Variants in PRR33 observed in about 807,000 individuals in gnomAD.
PRR33 encodes the protein proline-rich protein 33.
Under a neutral mutation model 0.5 loss-of-function variants are expected in PRR33, and 1 was observed. The observed-to-expected ratio is 2.18, with a 90% CI of 0.77 to 10.34. PRR33 has a LOEUF of 10.34. PRR33 is among the 30% of genes most tolerant of loss of function. The pLI, the probability that PRR33 is intolerant of heterozygous loss-of-function variation, is 0.13. For missense variants in PRR33, 552 were observed against 251.8 expected (o/e 2.19, Z -8.07); for synonymous variants, 226 against 110.0 (o/e 2.06, Z -6.60).
At chr11:1,900,166 T>C in the PRR33 span, among the ~76,000 whole-genome samples, 1 of 152,142 alleles carries the variant, frequency 6.6e-6, no homozygotes, top group Non-Finnish European at 1.5e-5. Context: ...ATCTTGGCTG[T>C]CCATGTGTCC....
rs1173287196 is a variant in PRR33 at position 1,890,235 on chromosome 11, G to A, written c.350C>T (p.Thr117Ile). Residue 117 changes from threonine to isoleucine, a missense_variant, in exon 1 of 1, where the codon ACC becomes ATC. Transcript: ENST00000640310. ...TGATGCCACGTGGTGGATGATGGGGGTGTGCGGGGAGCGGGGTAGGGCAGC... is the reference window on the plus strand; with the variant it reads ...TGATGCCACGTGGTGGATGATGGGGATGTGCGGGGAGCGGGGTAGGGCAGC... 9.8e-6 allele frequency: 7 copies of A among 716,580 alleles called. No homozygotes were observed. In the South Asian group the frequency reaches 1.0e-4, roughly 11 times the overall value. The allele number at this position is 716,580 out of a possible 1,614,324, so 44.4% of individuals were successfully genotyped here. A position where few individuals can be genotyped will look rare whatever the true frequency, so the allele number is the denominator to read the frequency against.
chr11:1,895,231 C>G (rs1032646998), upstream of PRR33, among the ~76,000 whole-genome samples: 1 of 152,022 alleles, frequency 6.6e-6, no homozygotes, highest in Admixed American at 6.5e-5. Flanking sequence ...CTCCTGGGTT[C>G]AAGCGATTCT....
At chr11:1,889,675 C>T (rs559654719) in exon 1 of PRR33, 12 of 633,086 alleles carry the variant, frequency 1.9e-5, no homozygotes, top group South Asian at 9.3e-5. Context: ...TCGGCCTCAG[C>T]GGCGGGGCCA....
chr11:1,914,256 A>G, the PRR33 span, among the ~76,000 whole-genome samples: 79 of 148,546 alleles, frequency 5.3e-4, no homozygotes, highest in African/African-American at 1.8e-3. Context: ...GTAGGGTCAC[A>G]CATCTGGGAT....
chr11:1,890,759 C>T, exon 1 of PRR33: 1 of 599,460 alleles, frequency 1.7e-6, no homozygotes, highest in Non-Finnish European at 3.0e-6. Flanking sequence ...CTCGACTGTG[C>T]CTTGGGGACT....
upstream of PRR33, among the ~76,000 whole-genome samples, chr11:1,894,482 CT>C (rs1015472924): frequency 2.6e-5 from 4 of 152,164 alleles, no homozygotes; most frequent in Admixed American, 2.0e-4. Context: ...GCGACCCCCC[CT>C]GCCTCCACCT....
exon 1 of PRR33, chr11:1,891,483 A>G (rs1294402381): frequency 6.6e-6 from 1 of 152,282 alleles, no homozygotes; most frequent in African/African-American, 2.4e-5. Context: ...CGAGAACCCC[A>G]GTTCTAGCTC....
At chr11:1,889,092 C>T in exon 1 of PRR33, 1 of 592,760 alleles carries the variant, frequency 1.7e-6, no homozygotes, top group South Asian at 2.0e-5. Flanking sequence ...GAGCCTCAGC[C>T]CCTTCTTCTG....
chr11:1,889,939 G>C (rs554762134), exon 1 of PRR33: 1 of 631,090 alleles, frequency 1.6e-6, no homozygotes, highest in African/African-American at 1.8e-5. Context: ...GCCCTGGGGG[G>C]ACTTGGGGTG....
At chr11:1,914,914 G>C in the PRR33 span, among the ~76,000 whole-genome samples, 1 of 147,840 alleles carries the variant, frequency 6.8e-6, no homozygotes, top group Non-Finnish European at 1.5e-5. Flanking sequence ...ATGTTGCTCT[G>C]TGTGTGTCTG....
At chr11:1,894,525 T>G (rs932423101), upstream of PRR33, among the ~76,000 whole-genome samples, 1 of 152,164 alleles carries the variant, frequency 6.6e-6, no homozygotes, top group Admixed American at 6.5e-5. Flanking sequence ...GCATGAGCCC[T>G]GCACCCAAGG....
rs73410978 is a variant in PRR33, at chr11:1,889,624, G to A, written c.961C>T (p.Pro321Ser). The A allele has an allele frequency of 4.0e-3, 2,459 of 614,056 alleles. 56 individuals carry two copies. Among genetic ancestry groups the A allele is most frequent in the African/African-American group, 0.039 (2,083 of 53,734 alleles). The allele number at this position is 614,056 out of a possible 1,614,324, so 38.0% of individuals were successfully genotyped here. A position where few individuals can be genotyped will look rare whatever the true frequency, so the allele number is the denominator to read the frequency against. ...ACAGGGCATGGGTGAGGGCCTGATG[G>A]TGGGGTAGGGGATGAGGCCCAGGCA... Residue 321 changes from proline (P) to serine (S), a missense_variant, in exon 1 of 1, where the codon CCA becomes TCA. Pro to Ser is a moderately conservative substitution (Grantham distance 74). Transcript: ENST00000640310.
the PRR33 span, among the ~76,000 whole-genome samples, chr11:1,914,592 G>GTGTA: frequency 1.3e-5 from 2 of 149,020 alleles, no homozygotes; most frequent in Non-Finnish European, 3.0e-5. Flanking sequence ...CTGTGTGTGT[G>GTGTA]TGTGTGTGTG....
At chr11:1,891,187 A>G (rs1848987163) in exon 1 of PRR33, 1 of 153,800 alleles carries the variant, frequency 6.5e-6, no homozygotes, top group Admixed American at 6.4e-5. Context: ...TCGCTGAGCT[A>G]TGCTAAATGG....
chr11:1,910,146 T>A, the PRR33 span, among the ~76,000 whole-genome samples: 96 of 151,824 alleles, frequency 6.3e-4, no homozygotes, highest in Non-Finnish European at 1.2e-3. Context: ...TGTGTGGAGG[T>A]TTTCTGATTC....
At chr11:1,912,309 CCT>C in the PRR33 span, among the ~76,000 whole-genome samples, 46 of 151,910 alleles carry the variant, frequency 3.0e-4, no homozygotes, top group African/African-American at 1.1e-3. Flanking sequence ...TCTTTGCACC[CCT>C]GATTCGGAAT....
chr11:1,907,432 G>A, the PRR33 span, among the ~76,000 whole-genome samples: 1 of 152,214 alleles, frequency 6.6e-6, no homozygotes, highest in Non-Finnish European at 1.5e-5. Context: ...ATCTATTCGA[G>A]ATGGAGTCTC....
chr11:1,908,665 C>G, the PRR33 span, among the ~76,000 whole-genome samples: 1 of 152,144 alleles, frequency 6.6e-6, no homozygotes, highest in South Asian at 2.1e-4. Context: ...TGGCCGCGTT[C>G]CTGAATTCTC....
chr11:1,889,045 G>A (rs1848871790), exon 1 of PRR33: 1 of 576,342 alleles, frequency 1.7e-6, no homozygotes, highest in Non-Finnish European at 3.1e-6. Flanking sequence ...CTTGGGCCCT[G>A]GTGCATCTTC....
Sources: gnomAD v4.1 joint callset for allele counts (sites outside exome capture counted in the v4.1 genomes callset) on GRCh38, gnomAD v4.1.1 for gene constraint, MANE v1.5 for transcripts, NCBI Gene and HGNC (gene_info 2026-07-23, HGNC 2026-07-21) for gene names.